Variants in KLHL25 observed in about 807,000 individuals in gnomAD.
KLHL25 encodes the protein kelch-like protein 25.
Under a neutral mutation model 30.0 loss-of-function variants are expected in KLHL25, and 41 were observed. That is an observed-to-expected ratio of 1.37 (90% CI 1.07 to 1.78). The LOEUF (loss-of-function observed/expected upper bound fraction) is 1.78, where lower values mean the gene tolerates loss of function less well. KLHL25 is among the 40% of genes most tolerant of loss of function. The probability of loss-of-function intolerance (pLI) is 0.00; values close to 1 mark genes in which losing one functional copy is unlikely to be tolerated. For synonymous variants in KLHL25, 399 were observed against 355.3 expected, an observed-to-expected ratio of 1.12 and a Z score of -1.38; for missense variants, 971 against 824.5, an observed-to-expected ratio of 1.18 and a Z score of -2.18.
At chr15:85,773,916 G>A (rs896346301) in intron 1 of KLHL25, among the ~76,000 whole-genome samples, 3 of 152,140 alleles carry the variant, frequency 2.0e-5, no homozygotes, top group Non-Finnish European at 4.4e-5. Flanking sequence ...GTGACCAGGG[G>A]CTGCTTGTCT....
intron 2 of KLHL25, among the ~76,000 whole-genome samples, chr15:85,766,717 C>A (rs986856008): frequency 1.3e-4 from 20 of 152,246 alleles, no homozygotes; most frequent in Non-Finnish European, 2.5e-4. Flanking sequence ...CGATTCCACA[C>A]AATGACAGTG....
At chr15:85,784,748 C>T (rs1379669232) in intron 1 of KLHL25, among the ~76,000 whole-genome samples, 1 of 152,142 alleles carries the variant, frequency 6.6e-6, no homozygotes, top group Non-Finnish European at 1.5e-5. Context: ...AAACCTGAGC[C>T]TGGAAGCAGA....
In KLHL25 at chr15:85,768,182, G is replaced by A. The variant is rs147267647; in HGVS notation, c.1629C>T (p.Val543=). 228 of 1,614,190 alleles carry A rather than the reference G, an allele frequency of 1.4e-4. No individual in the cohort carries two copies. The East Asian group carries it at 1.7e-3, about 12-fold the overall frequency. ...ACCTCTGGGTCCCAAAGTAGCCCCC[G>A]ACCACATAGAGCTTGTTGCCGGAAG... ...ALASGNKLYV[V]GGYFGTQRCK... The change falls in exon 2 of 3, where the codon GTC becomes GTT. Residue 543 remains valine (V), a synonymous_variant. Coordinates refer to ENST00000337975, the MANE Select transcript of KLHL25 (RefSeq NM_022480.4).
chr15:85,773,800 G>A (rs1447238503), intron 1 of KLHL25, among the ~76,000 whole-genome samples: 1 of 152,162 alleles, frequency 6.6e-6, no homozygotes, highest in African/African-American at 2.4e-5. Flanking sequence ...ACCCAAGATG[G>A]AAGCCTGCGC....
At chr15:85,766,883 G>C (rs778326102) in intron 2 of KLHL25, among the ~76,000 whole-genome samples, 14 of 152,208 alleles carry the variant, frequency 9.2e-5, no homozygotes, top group Non-Finnish European at 1.8e-4. Context: ...GGAGAAACAG[G>C]ACTCAAACCA....
At position 85,760,400 on chromosome 15, in the gene KLHL25, G is replaced by C. The variant is rs1486372547; in HGVS notation, c.*636C>G. 6.6e-6 allele frequency: 1 copy of C among 152,222 alleles called. No individual in the cohort carries two copies. Among genetic ancestry groups the C allele is most frequent in the Admixed American group, 6.5e-5 (1 of 15,284 alleles). The allele number at this position is 152,222 out of a possible 1,614,324, so 9.4% of individuals were successfully genotyped here. A position where few individuals can be genotyped will look rare whatever the true frequency, so the allele number is the denominator to read the frequency against. On this transcript the variant is annotated 3_prime_UTR_variant, in exon 3 of 3. Coordinates refer to ENST00000337975, the MANE Select transcript of KLHL25 (RefSeq NM_022480.4). ...AGCAAGGCCCTGAGTAGGTGGGCTG[G>C]GACTTACAGCTTTGTGGAAGGGGCC... is the stretch of plus-strand genomic sequence containing the variant.
At chr15:85,778,206 C>G (rs775412805) in intron 1 of KLHL25, among the ~76,000 whole-genome samples, 1 of 152,196 alleles carries the variant, frequency 6.6e-6, no homozygotes, top group Admixed American at 6.5e-5. Flanking sequence ...GGAGAGAGAG[C>G]TCTGGAAAGC....
At position 85,760,272 on chromosome 15, in the gene KLHL25, G is replaced by C. The variant is rs887944369; in HGVS notation, c.*764C>G. 1 of 152,326 alleles carries C rather than the reference G, an allele frequency of 6.6e-6. No homozygotes were observed. Among genetic ancestry groups the C allele is most frequent in the Non-Finnish European group, 1.5e-5 (1 of 68,120 alleles). 9.4% of individuals were successfully genotyped at this position (152,326 alleles called of 1,614,324 possible). On this transcript the variant is annotated 3_prime_UTR_variant, in exon 3 of 3. Transcript: ENST00000337975. ...CTCAGGGTGGGCTCTGAGGAGGGGA[G>C]GGGAGGGGTGACCCCCAGGGCACTC...
In KLHL25 at chr15:85,759,548, G is replaced by A. The variant is rs1035178313; in HGVS notation, c.*1488C>T. The A allele has an allele frequency of 6.6e-6, 1 of 152,340 alleles. No homozygotes were observed. The highest frequency in any genetic ancestry group is 1.5e-5 in the Non-Finnish European group (1 of 68,072). 9.4% of individuals were successfully genotyped at this position (152,340 alleles called of 1,614,324 possible). ...ACAGCCAAGTGCCTTCGGGCAGCTG[G>A]CCTGACACAGGCGGGGTCTGCTGGG... On this transcript the variant is annotated 3_prime_UTR_variant, in exon 3 of 3. Transcript: ENST00000337975.
Position 85,768,176 on chromosome 15 carries a change from GC to G in KLHL25, c.1634del (p.Gly545AlafsTer151), listed in dbSNP as rs1393196992. 6.2e-7 allele frequency: 1 copy of G among 1,614,222 alleles called. No homozygotes were observed. The highest frequency in any genetic ancestry group is 8.5e-7 in the Non-Finnish European group (1 of 1,180,052). On this transcript the variant is annotated frameshift_variant, in exon 2 of 3. Coordinates refer to ENST00000337975, the MANE Select transcript of KLHL25 (RefSeq NM_022480.4). LOFTEE classifies it low-confidence loss of function (END_TRUNC). The part of the protein sequence containing the change: ...ASGNKLYVVG[G>X]YFGTQRCKTL... ...TCTTACACCTCTGGGTCCCAAAGTA[GC>G]CCCCGACCACATAGAGCTTGTTGCC...
intron 1 of KLHL25, among the ~76,000 whole-genome samples, chr15:85,792,618 A>G (rs561867425): frequency 7.2e-5 from 11 of 152,320 alleles, no homozygotes; most frequent in African/African-American, 2.6e-4. Context: ...GCGGCCAGAC[A>G]CTACGGACGA....
chr15:85,776,656 T>C (rs1425024785), intron 1 of KLHL25, among the ~76,000 whole-genome samples: 1 of 152,164 alleles, frequency 6.6e-6, no homozygotes, highest in African/African-American at 2.4e-5. Flanking sequence ...CCGGGCACGG[T>C]GGCTCACGCC....
Position 85,776,943 on chromosome 15 carries a change from A to G in KLHL25, c.-10-7123T>C, listed in dbSNP as rs577923830. ...CCATCTCAAAAAAAATAAATAAATA[A>G]ATAAATAAATAACAGATCTGACACT... On this transcript the variant is annotated intron_variant, in intron 1 of 2. Coordinates refer to ENST00000337975, the MANE Select transcript of KLHL25 (RefSeq NM_022480.4). 8.5e-5 allele frequency among the ~76,000 whole-genome samples: 13 copies of G among 152,244 alleles called. No homozygotes were observed. The South Asian group carries it at 2.5e-3, about 29-fold the overall frequency.
At chr15:85,780,539 T>C (rs1002041578) in intron 1 of KLHL25, among the ~76,000 whole-genome samples, 2 of 152,166 alleles carry the variant, frequency 1.3e-5, no homozygotes, top group African/African-American at 2.4e-5. Context: ...TCACTTTCAA[T>C]GAACCACCAG....
intron 1 of KLHL25, among the ~76,000 whole-genome samples, chr15:85,775,652 G>A (rs1172747199): frequency 6.6e-6 from 1 of 152,104 alleles, no homozygotes; most frequent in African/African-American, 2.4e-5. Context: ...AATTCCTCAG[G>A]AAGGCGGAGG....
At chr15:85,785,381 C>G (rs964927217) in intron 1 of KLHL25, among the ~76,000 whole-genome samples, 9 of 152,206 alleles carry the variant, frequency 5.9e-5, no homozygotes, top group Admixed American at 4.6e-4. Flanking sequence ...GCATGAGCCA[C>G]CACGCCCGGC....
Position 85,779,045 on chromosome 15 carries a change from A to ATT in KLHL25, c.-10-9227_-10-9226dup, listed in dbSNP as rs35309594. On this transcript the variant is annotated intron_variant, in intron 1 of 2. Coordinates refer to ENST00000337975, the MANE Select transcript of KLHL25 (RefSeq NM_022480.4). Reference sequence around the variant, plus strand: ...GGATTTGGCCAGCTCCTCACCAACAATTTTTTTTTTTTTTTTTTTAAAGAG... The same window carrying ATT: ...GGATTTGGCCAGCTCCTCACCAACAATTTTTTTTTTTTTTTTTTTTTAAAGAG... 1.2e-3 allele frequency among the ~76,000 whole-genome samples: 167 copies of ATT among 141,874 alleles called. 2 individuals are homozygous for ATT. The East Asian group carries it at 0.015, about 13-fold the overall frequency. The allele number at this position is 141,874 out of a possible 152,430, so 93.1% of individuals were successfully genotyped here. A position where few individuals can be genotyped will look rare whatever the true frequency, so the allele number is the denominator to read the frequency against.
At chr15:85,790,564 T>C (rs1042540245) in intron 1 of KLHL25, among the ~76,000 whole-genome samples, 1 of 152,168 alleles carries the variant, frequency 6.6e-6, no homozygotes, top group Non-Finnish European at 1.5e-5. Flanking sequence ...GGAGAGCAAA[T>C]TGAGGCTCAC....
chr15:85,783,106 ATTAT>A (rs1032121600), intron 1 of KLHL25, among the ~76,000 whole-genome samples: 1 of 152,028 alleles, frequency 6.6e-6, no homozygotes, highest in African/African-American at 2.4e-5. Context: ...CATTTTATTT[ATTAT>A]TTATTTTGAG....
Sources: allele counts gnomAD v4.1 joint callset (sites outside exome capture counted in the v4.1 genomes callset), GRCh38; gene constraint gnomAD v4.1.1; transcripts MANE v1.5; gene names NCBI Gene and HGNC (gene_info 2026-07-23, HGNC 2026-07-21).